COA1: variants seen among roughly 807,000 people sequenced by gnomAD.
The protein encoded by COA1 is cytochrome c oxidase assembly factor 1, also known as cytochrome c oxidase assembly factor 1 homolog.
In COA1, 13 loss-of-function variants were observed where a neutral mutation model predicts 16.0. That is an observed-to-expected ratio of 0.81 (90% CI 0.53 to 1.29). The LOEUF is 1.29. Among genes scored for constraint, COA1 ranks in the 50% most tolerant of loss-of-function variants. COA1 has a pLI of 0.00. For synonymous variants in COA1, 65 were observed against 65.7 expected (o/e 0.99, Z 0.05); for missense variants, 179 against 177.0 (o/e 1.01, Z -0.06).
At chr7:43,655,523 A>G (rs184910970) in intron 1 of COA1, among the ~76,000 whole-genome samples, 2 of 152,250 alleles carry the variant, frequency 1.3e-5, no homozygotes, top group African/African-American at 4.8e-5. Context: ...TGGTGGTGTA[A>G]TCCCTGTAAT....
At chr7:43,715,491 A>G (rs2095371793) in intron 1 of COA1, among the ~76,000 whole-genome samples, 1 of 151,992 alleles carries the variant, frequency 6.6e-6, no homozygotes, top group African/African-American at 2.4e-5. Context: ...AAAAAAAAAA[A>G]AGAGTATGTT....
At chr7:43,667,681 A>G (rs964803630) in intron 1 of COA1, among the ~76,000 whole-genome samples, 4 of 152,238 alleles carry the variant, frequency 2.6e-5, no homozygotes, top group Non-Finnish European at 5.9e-5. Flanking sequence ...GATTGTTAAC[A>G]CTGGAATAGA....
At chr7:43,698,929 T>C (rs759712209) in intron 1 of COA1, among the ~76,000 whole-genome samples, 1 of 152,190 alleles carries the variant, frequency 6.6e-6, no homozygotes, top group Non-Finnish European at 1.5e-5. Flanking sequence ...AGTGAACATT[T>C]GAAAATCACA....
intron 1 of COA1, among the ~76,000 whole-genome samples, chr7:43,681,059 G>A (rs2093747713): frequency 6.6e-6 from 1 of 152,024 alleles, no homozygotes; most frequent in Non-Finnish European, 1.5e-5. Flanking sequence ...TCTCCATTAG[G>A]AACTTATTCA....
chr7:43,654,337 C>T (rs1326048610), intron 1 of COA1, among the ~76,000 whole-genome samples: 1 of 152,032 alleles, frequency 6.6e-6, no homozygotes, highest in Non-Finnish European at 1.5e-5. Context: ...GGATTGGCAG[C>T]GGTGCAATAA....
intron 1 of COA1, among the ~76,000 whole-genome samples, chr7:43,714,522 G>A (rs189670666): frequency 1.4e-3 from 212 of 151,562 alleles, no homozygotes; most frequent in East Asian, 3.0e-3. Flanking sequence ...CCAGCTACTC[G>A]GGAGGCTGAG....
chr7:43,707,257 CTG>C (rs1563437911), intron 1 of COA1, among the ~76,000 whole-genome samples: 1 of 152,110 alleles, frequency 6.6e-6, no homozygotes, highest in Non-Finnish European at 1.5e-5. Context: ...AACATCAAGA[CTG>C]AAACAAATTA....
chr7:43,638,566 CTT>C (rs746584234), downstream of COA1, among the ~76,000 whole-genome samples: 2 of 97,422 alleles, frequency 2.1e-5, no homozygotes, highest in South Asian at 3.3e-4. Flanking sequence ...TTTTTCTTTC[CTT>C]TTTTTTTTTT....
chr7:43,630,048 CTG>C (rs1251204075), intron 6 of COA1, among the ~76,000 whole-genome samples: 12 of 152,248 alleles, frequency 7.9e-5, no homozygotes, highest in Non-Finnish European at 1.8e-4. Flanking sequence ...ACAGCCACAC[CTG>C]TGTGTTTACA....
chr7:43,671,401 T>C (rs926367557), intron 1 of COA1, among the ~76,000 whole-genome samples: 3 of 149,446 alleles, frequency 2.0e-5, no homozygotes, highest in African/African-American at 7.4e-5. Flanking sequence ...AGAATACATA[T>C]AAAGAACTAT....
intron 6 of COA1, among the ~76,000 whole-genome samples, chr7:43,621,747 T>G (rs921790238): frequency 6.6e-6 from 1 of 152,138 alleles, no homozygotes; most frequent in Non-Finnish European, 1.5e-5. Flanking sequence ...CAAGAGCCTT[T>G]CCCCATCTCA....
At chr7:43,626,321 C>G (rs2084536444) in intron 6 of COA1, 1 of 152,166 alleles carries the variant, frequency 6.6e-6, no homozygotes, top group Non-Finnish European at 1.5e-5. Flanking sequence ...GTGTAAATGT[C>G]ATAGACATAT....
intron 1 of COA1, among the ~76,000 whole-genome samples, chr7:43,690,593 C>T (rs1403714768): frequency 1.9e-4 from 29 of 151,956 alleles, no homozygotes; most frequent in Admixed American, 3.3e-4. Context: ...AACTCAGGAA[C>T]GGAAAACCAA....
intron 1 of COA1, chr7:43,648,941 G>A (rs894493285): frequency 1.4e-5 from 4 of 294,208 alleles, no homozygotes; most frequent in African/African-American, 8.5e-5. Context: ...GACAGCAAGT[G>A]CTTTGACCAC....
intron 1 of COA1, among the ~76,000 whole-genome samples, chr7:43,725,172 G>A (rs1585594878): frequency 1.3e-5 from 2 of 151,838 alleles, no homozygotes; most frequent in East Asian, 1.9e-4. Flanking sequence ...CGGGAGGTGG[G>A]GGTTGCGGTA....
chr7:43,625,432 G>A (rs931978679), intron 6 of COA1: 20 of 152,244 alleles, frequency 1.3e-4, no homozygotes, highest in African/African-American at 3.6e-4. Context: ...CTAAATACTA[G>A]TAACATATCA....
At chr7:43,667,622 T>G (rs1278052440) in intron 1 of COA1, among the ~76,000 whole-genome samples, 5 of 152,238 alleles carry the variant, frequency 3.3e-5, no homozygotes, top group Non-Finnish European at 1.5e-5. Context: ...CAAGCCATAT[T>G]AAGAACTTTA....
intron 1 of COA1, among the ~76,000 whole-genome samples, chr7:43,661,636 C>A (rs1417673887): frequency 4.1e-4 from 54 of 133,240 alleles, no homozygotes; most frequent in South Asian, 7.1e-4. Context: ...GACTCCATCT[C>A]AAAAAAAAAA....
chr7:43,649,142 T>C (rs1003852525), intron 1 of COA1: 4 of 153,750 alleles, frequency 2.6e-5, no homozygotes, highest in African/African-American at 9.6e-5. Flanking sequence ...TTATGTGTCT[T>C]GTACTATTCT....
Sources: gnomAD v4.1 joint callset for allele counts (sites outside exome capture counted in the v4.1 genomes callset) on GRCh38, gnomAD v4.1.1 for gene constraint, MANE v1.5 for transcripts, NCBI Gene and HGNC (gene_info 2026-07-23, HGNC 2026-07-21) for gene names.